The following SERGEF variants were observed in gnomAD, a reference collection of about 807,000 sequenced individuals.
SERGEF encodes secretion regulating guanine nucleotide exchange factor.
Under a neutral mutation model 50.0 loss-of-function variants are expected in SERGEF, and 51 were observed. That is an observed-to-expected ratio of 1.02 (90% confidence interval 0.81 to 1.29). SERGEF has a LOEUF of 1.29. Among genes scored for constraint, SERGEF ranks in the 50% most tolerant of loss-of-function variants. SERGEF has a pLI of 0.00. For synonymous variants in SERGEF, 205 were observed against 212.4 expected (o/e 0.97, Z 0.30); for missense variants, 521 against 557.0 (o/e 0.94, Z 0.65).
At chr11:17,874,082 A>C (rs1851199343) in intron 10 of SERGEF, 1 of 152,240 alleles carries the variant, frequency 6.6e-6, no homozygotes, top group African/African-American at 2.4e-5. Context: ...CACAAATGGG[A>C]GTTAGCCAGT....
At chr11:17,878,438 A>C (rs1851279585) in intron 9 of SERGEF, among the ~76,000 whole-genome samples, 194 bp from the exon 10 acceptor site, 1 of 152,200 alleles carries the variant, frequency 6.6e-6, no homozygotes, top group Non-Finnish European at 1.5e-5. Flanking sequence ...AAAATAAAAA[A>C]AATATTGAAT....
At chr11:17,960,460 G>GA (rs1254899371) in intron 8 of SERGEF, among the ~76,000 whole-genome samples, 2 of 152,208 alleles carry the variant, frequency 1.3e-5, no homozygotes, top group Admixed American at 1.3e-4. Flanking sequence ...AAAATCTGAT[G>GA]AGCCATAGAT....
chr11:17,819,419 G>C (rs1288599369), intron 10 of SERGEF, among the ~76,000 whole-genome samples: 3 of 152,146 alleles, frequency 2.0e-5, no homozygotes, highest in African/African-American at 7.2e-5. Flanking sequence ...TTATATTCCA[G>C]GGGTGTGCCA....
At chr11:17,845,839 T>C (rs1850597714) in intron 10 of SERGEF, among the ~76,000 whole-genome samples, 3 of 152,140 alleles carry the variant, frequency 2.0e-5, no homozygotes, top group Non-Finnish European at 4.4e-5. Flanking sequence ...TCTATAGAAC[T>C]GGGAATTGGG....
chr11:17,799,367 A>G (rs1023933779), intron 10 of SERGEF, among the ~76,000 whole-genome samples: 6 of 152,214 alleles, frequency 3.9e-5, no homozygotes, highest in Non-Finnish European at 7.3e-5. Context: ...TTGTTCTCCT[A>G]TCTCTTACCT....
chr11:17,861,086 C>A (rs996700514), intron 10 of SERGEF, among the ~76,000 whole-genome samples: 1 of 152,176 alleles, frequency 6.6e-6, no homozygotes, highest in Non-Finnish European at 1.5e-5. Flanking sequence ...ATATTGTGTA[C>A]CCAGGAAGAA....
chr11:17,898,227 A>C (rs1391786209), intron 9 of SERGEF, among the ~76,000 whole-genome samples: 1 of 152,250 alleles, frequency 6.6e-6, no homozygotes, highest in Admixed American at 6.5e-5. Context: ...CTGTTCTAGC[A>C]GCTCTAAAGT....
intron 10 of SERGEF, among the ~76,000 whole-genome samples, chr11:17,812,856 G>A (rs1331586008): frequency 1.3e-5 from 2 of 152,168 alleles, no homozygotes; most frequent in Admixed American, 1.3e-4. Flanking sequence ...CTGAGTAGCT[G>A]GAGACCAACC....
Position 17,959,535 on chromosome 11 carries a change from G to C in SERGEF, c.946C>G (p.Leu316Val). 6.2e-7 allele frequency: 1 copy of C among 1,614,010 alleles called. No homozygotes were observed. Among genetic ancestry groups the C allele is most frequent in the African/African-American group, 1.3e-5 (1 of 75,002 alleles). The change falls in exon 9 of 11, where the codon CTC becomes GTC. Residue 316 changes from leucine (L) to valine (V), a missense_variant. Leu to Val is a conservative substitution (Grantham distance 32). Coordinates refer to ENST00000265965, the MANE Select transcript of SERGEF (RefSeq NM_012139.4). Reference protein sequence around the residue: ...GWKLEKQDSFLPCSRPPNSMP... With the variant: ...GWKLEKQDSFVPCSRPPNSMP... ...CTGTTCGGTGGTCTTGAACAGGGGA[G>C]AAATGAATCTTGCTTTTCTAGTTTC...
intron 10 of SERGEF, among the ~76,000 whole-genome samples, chr11:17,852,890 T>C (rs1183980888): frequency 6.6e-6 from 1 of 152,152 alleles, no homozygotes; most frequent in Non-Finnish European, 1.5e-5. Flanking sequence ...GTGCTTCCCA[T>C]AAGCCACTCA....
intron 10 of SERGEF, chr11:17,846,456 G>C: frequency 6.0e-6 from 2 of 333,422 alleles, no homozygotes; most frequent in Non-Finnish European, 5.9e-6. Flanking sequence ...CTGGGGAAAG[G>C]GTCTGTGTCC....
At chr11:17,844,924 AAC>A (rs925899943) in intron 10 of SERGEF, among the ~76,000 whole-genome samples, 15 of 150,468 alleles carry the variant, frequency 1.0e-4, no homozygotes, top group African/African-American at 3.4e-4. Flanking sequence ...AAAACAAACA[AAC>A]AAAAAAAACA....
chr11:18,007,330 GC>G (rs1854095471), intron 2 of SERGEF, among the ~76,000 whole-genome samples: 1 of 152,158 alleles, frequency 6.6e-6, no homozygotes, highest in African/African-American at 2.4e-5. Context: ...ATGGAGCCCT[GC>G]TAACTCACTG....
chr11:17,831,365 G>C (rs1850306058), intron 10 of SERGEF, among the ~76,000 whole-genome samples: 1 of 152,220 alleles, frequency 6.6e-6, no homozygotes, highest in Admixed American at 6.5e-5. Context: ...CGGGTTGCAG[G>C]TTGTCTCAGG....
At chr11:17,958,070 T>C (rs1852912987) in intron 9 of SERGEF, among the ~76,000 whole-genome samples, 1 of 152,172 alleles carries the variant, frequency 6.6e-6, no homozygotes. Context: ...TATTGTTTAG[T>C]TCCTTTTCAA....
chr11:17,990,372 G>A (rs979761002), intron 7 of SERGEF, among the ~76,000 whole-genome samples: 1 of 152,200 alleles, frequency 6.6e-6, no homozygotes, highest in Non-Finnish European at 1.5e-5. Context: ...GCAGTTCTAT[G>A]AAGTGAATTT....
intron 9 of SERGEF, among the ~76,000 whole-genome samples, chr11:17,912,286 T>C (rs1309384329): frequency 7.9e-5 from 12 of 152,170 alleles, no homozygotes; most frequent in Admixed American, 2.6e-4. Context: ...AGGATAATGA[T>C]GACACTGTAT....
chr11:17,809,602 A>G (rs1849829100), intron 10 of SERGEF, among the ~76,000 whole-genome samples: 1 of 152,138 alleles, frequency 6.6e-6, no homozygotes, highest in Admixed American at 6.5e-5. Flanking sequence ...TTGGAGGTGG[A>G]GGCAAAGTCT....
At chr11:17,996,634 C>A (rs1853843283) in intron 5 of SERGEF, among the ~76,000 whole-genome samples, 1 of 152,180 alleles carries the variant, frequency 6.6e-6, no homozygotes, top group South Asian at 2.1e-4. Flanking sequence ...GGATCCATCA[C>A]CCAACAGCAA....
Sources: allele counts gnomAD v4.1 joint callset (sites outside exome capture counted in the v4.1 genomes callset), GRCh38; gene constraint gnomAD v4.1.1; transcripts MANE v1.5; gene names NCBI Gene and HGNC (gene_info 2026-07-23, HGNC 2026-07-21).